Variants in LINGO2 observed in about 807,000 individuals in gnomAD.
LINGO2 encodes leucine rich repeat and Ig domain containing 2.
LINGO2 carries 14 observed loss-of-function variants against 30.6 expected under a neutral mutation model. That is an observed-to-expected ratio of 0.46 (90% CI 0.30 to 0.72). LINGO2 has a LOEUF of 0.72. Among genes scored for constraint, LINGO2 ranks in the 30% least tolerant of loss-of-function variants. LINGO2 has a pLI of 0.07. For synonymous variants in LINGO2, 317 were observed against 288.5 expected (o/e 1.10, Z -1.00); for missense variants, 729 against 751.7 (o/e 0.97, Z 0.35).
At chr9:28,337,403 C>T (rs1263271486) in intron 3 of LINGO2, among the ~76,000 whole-genome samples, 1 of 152,032 alleles carries the variant, frequency 6.6e-6, no homozygotes, top group East Asian at 1.9e-4. Context: ...AAATCTGCAG[C>T]CCGAAGATGT....
intron 1 of LINGO2, among the ~76,000 whole-genome samples, chr9:28,550,934 A>G (rs1328171794): frequency 6.6e-6 from 1 of 151,904 alleles, no homozygotes; most frequent in Non-Finnish European, 1.5e-5. Flanking sequence ...AATGATAAAT[A>G]TCCAAATCAG....
intron 5 of LINGO2, among the ~76,000 whole-genome samples, chr9:27,968,445 A>C (rs1820201799): frequency 1.3e-5 from 2 of 152,178 alleles, no homozygotes; most frequent in South Asian, 2.1e-4. Context: ...ATTAAGTGAA[A>C]AAATAAATTT....
At chr9:28,498,666 G>A (rs1006857784) in intron 1 of LINGO2, among the ~76,000 whole-genome samples, 3 of 152,004 alleles carry the variant, frequency 2.0e-5, no homozygotes, top group Non-Finnish European at 4.4e-5. Flanking sequence ...CCACTGTCCT[G>A]CACCCACTCT....
intron 2 of LINGO2, among the ~76,000 whole-genome samples, chr9:28,469,161 G>C (rs1479623647): frequency 6.6e-6 from 1 of 151,510 alleles, no homozygotes; most frequent in Non-Finnish European, 1.5e-5. Context: ...TACAATATCT[G>C]AATTGAAAAT....
At chr9:28,281,654 G>T (rs1823330902) in intron 4 of LINGO2, among the ~76,000 whole-genome samples, 1 of 152,130 alleles carries the variant, frequency 6.6e-6, no homozygotes, top group African/African-American at 2.4e-5. Flanking sequence ...TAGTCTAGTG[G>T]GGAAGAGAAA....
intron 1 of LINGO2, among the ~76,000 whole-genome samples, chr9:28,513,096 C>T (rs894359297): frequency 9.3e-5 from 2 of 21,612 alleles, no homozygotes; most frequent in Non-Finnish European, 3.1e-4. Flanking sequence ...CACACACACA[C>T]ACACACACAC....
the LINGO2 span, among the ~76,000 whole-genome samples, chr9:29,083,442 G>A: frequency 4.6e-5 from 7 of 152,010 alleles, no homozygotes; most frequent in Non-Finnish European, 1.0e-4. Flanking sequence ...GTGGGGTGAG[G>A]GAGGGGGGAT....
chr9:29,192,934 G>T, the LINGO2 span, among the ~76,000 whole-genome samples: 1 of 152,196 alleles, frequency 6.6e-6, no homozygotes, highest in East Asian at 1.9e-4. Flanking sequence ...AGGACTGACA[G>T]GCGTTGTGGT....
At chr9:28,126,063 A>C (rs1827227203) in intron 4 of LINGO2, among the ~76,000 whole-genome samples, 2 of 152,186 alleles carry the variant, frequency 1.3e-5, no homozygotes, top group African/African-American at 2.4e-5. Flanking sequence ...TGTCATGTTA[A>C]AAAGAAAATT....
At chr9:29,080,814 T>C in the LINGO2 span, among the ~76,000 whole-genome samples, 1 of 152,232 alleles carries the variant, frequency 6.6e-6, no homozygotes, top group East Asian at 1.9e-4. Context: ...AGAGACAGTT[T>C]GTTATAATTT....
the LINGO2 span, among the ~76,000 whole-genome samples, chr9:28,965,543 A>G: frequency 6.6e-6 from 1 of 151,972 alleles, no homozygotes; most frequent in African/African-American, 2.4e-5. Context: ...TTACCACTAT[A>G]TTCTGCTTCC....
At chr9:29,078,395 T>C in the LINGO2 span, among the ~76,000 whole-genome samples, 1 of 152,006 alleles carries the variant, frequency 6.6e-6, no homozygotes, top group South Asian at 2.1e-4. Flanking sequence ...AATAAAAATC[T>C]TATATTTCAT....
chr9:28,505,146 A>T (rs1384128936), intron 1 of LINGO2, among the ~76,000 whole-genome samples: 2 of 151,968 alleles, frequency 1.3e-5, no homozygotes, highest in African/African-American at 2.4e-5. Flanking sequence ...ACCAACTATA[A>T]TGATTTGGCC....
intron 1 of LINGO2, among the ~76,000 whole-genome samples, chr9:28,643,790 C>G (rs916419935): frequency 1.8e-4 from 27 of 151,688 alleles, no homozygotes; most frequent in African/African-American, 6.3e-4. Flanking sequence ...ACCCATCTGA[C>G]AAGGAAACAA....
intron 4 of LINGO2, among the ~76,000 whole-genome samples, chr9:28,032,203 CT>C (rs144826746): frequency 0.029 from 4,364 of 151,236 alleles, 103 homozygotes; most frequent in East Asian, 0.092. Flanking sequence ...TAATTCAAGT[CT>C]TAAAAAAAAA....
At chr9:28,456,858 T>A (rs967040235) in intron 2 of LINGO2, among the ~76,000 whole-genome samples, 7 of 152,330 alleles carry the variant, frequency 4.6e-5, no homozygotes, top group Non-Finnish European at 1.0e-4. Flanking sequence ...TAAACATATA[T>A]GCTATGAACC....
At chr9:28,273,372 G>C (rs1823009385) in intron 4 of LINGO2, among the ~76,000 whole-genome samples, 1 of 152,156 alleles carries the variant, frequency 6.6e-6, no homozygotes, top group South Asian at 2.1e-4. Flanking sequence ...AAGACAAATG[G>C]AATAGAGCTA....
At chr9:29,190,139 T>C in the LINGO2 span, among the ~76,000 whole-genome samples, 1 of 152,146 alleles carries the variant, frequency 6.6e-6, no homozygotes, top group East Asian at 1.9e-4. Context: ...AAGAAATGCA[T>C]TAAAATTAAA....
intron 4 of LINGO2, among the ~76,000 whole-genome samples, chr9:28,177,910 C>T (rs1027614036): frequency 6.6e-6 from 1 of 152,158 alleles, no homozygotes; most frequent in Non-Finnish European, 1.5e-5. Flanking sequence ...ATTCTACAGC[C>T]TATCAAATAC....
Sources: gnomAD v4.1 joint callset for allele counts (sites outside exome capture counted in the v4.1 genomes callset) on GRCh38, gnomAD v4.1.1 for gene constraint, MANE v1.5 for transcripts, NCBI Gene and HGNC (gene_info 2026-07-23, HGNC 2026-07-21) for gene names.